Variants in ETNPPL observed in about 807,000 individuals in gnomAD.
ETNPPL encodes ethanolamine-phosphate phospho-lyase.
In ETNPPL, 30 loss-of-function variants were observed where a neutral mutation model predicts 55.5. That is an observed-to-expected ratio of 0.54 (90% CI 0.40 to 0.73). ETNPPL has a LOEUF of 0.73. Among genes scored for constraint, ETNPPL ranks in the 30% least tolerant of loss-of-function variants. The pLI is 0.00. For missense variants in ETNPPL, 528 were observed against 607.9 expected (o/e 0.87, Z 1.38); for synonymous variants, 202 against 207.2 (o/e 0.98, Z 0.21).
chr4:108,750,812 C>T, intron 7 of ETNPPL, 124 bp downstream of exon 7: 2 of 709,064 alleles, frequency 2.8e-6, no homozygotes, highest in Non-Finnish European at 5.0e-6. Context: ...GGTTGGCAGG[C>T]ACTCAGGTGT....
chr4:108,748,170 A>G lies in ETNPPL; in HGVS notation c.928-11T>C. On this transcript the variant is annotated splice_polypyrimidine_tract_variant and intron_variant, in intron 8 of 12. Coordinates refer to ENST00000296486, the MANE Select transcript of ETNPPL (RefSeq NM_031279.4). The stretch of plus-strand genomic sequence containing the variant: ...TGGATTTCCTCCATACTGTAAAAAA[A>G]AAAAAGACAAATGAGAAAATATACC... 1 of 1,550,438 alleles carries G rather than the reference A, an allele frequency of 6.4e-7. No individual in the cohort carries two copies.
chr4:108,745,511 T>C (rs1307446715), intron 11 of ETNPPL, among the ~76,000 whole-genome samples: 1 of 152,036 alleles, frequency 6.6e-6, no homozygotes, highest in Non-Finnish European at 1.5e-5. Context: ...GGAGAATTGC[T>C]TGAATCTGGG....
chr4:108,758,781 G>T (rs1486207298), intron 3 of ETNPPL, among the ~76,000 whole-genome samples: 1 of 152,202 alleles, frequency 6.6e-6, no homozygotes, highest in Admixed American at 6.5e-5. Context: ...GGCTGGGCAC[G>T]GTTGCTCATG....
rs1288966305 is a variant in ETNPPL at position 108,746,498 on chromosome 4, C to T, written c.1204G>A (p.Asp402Asn). 9.9e-6 allele frequency: 16 copies of T among 1,613,152 alleles called. No homozygotes were observed. The highest frequency in any genetic ancestry group is 6.7e-5 in the East Asian group (3 of 44,882). ...MKEKRVLLSA[D>N]GPHRNVLKIK... ...TTAAGTACATTTCTATGAGGTCCAT[C>T]GGCACTGAGAAGCACTCGTTTTTCT... Residue 402 changes from aspartate (D) to asparagine (N), a missense_variant, in exon 11 of 13, where the codon GAT (aspartate) becomes AAT (asparagine). Physicochemically the swap from Asp to Asn is conservative, Grantham distance 23 (BLOSUM62 1). Transcript: ENST00000296486.
At position 108,761,389 on chromosome 4, in the gene ETNPPL, A is replaced by AT. The variant is rs555922588; in HGVS notation, c.57-1084dup. 2.1e-4 allele frequency among the ~76,000 whole-genome samples: 32 copies of AT among 152,166 alleles called. No individual in the cohort carries two copies. In the East Asian group the frequency reaches 3.5e-3, roughly 16 times the overall value. ...TTGCATAAGGTTGTGTTATATATTG[A>AT]TTTTTTTTAAGCATCATCAGCTGAA... On this transcript the variant is annotated intron_variant, in intron 1 of 12. Transcript: ENST00000296486.
chr4:108,762,551 C>A, intron 1 of ETNPPL: 2 of 642,848 alleles, frequency 3.1e-6, no homozygotes, highest in South Asian at 1.7e-5. Flanking sequence ...GGCTATTGGC[C>A]GTCATCCACC....
At chr4:108,749,560 G>A in intron 7 of ETNPPL, 97 bp from the exon 8 acceptor site, 1 of 883,462 alleles carries the variant, frequency 1.1e-6, no homozygotes, top group Non-Finnish European at 1.8e-6. Flanking sequence ...AAAAAAAGTT[G>A]TTAACCTGAA....
intron 11 of ETNPPL, among the ~76,000 whole-genome samples, chr4:108,744,863 G>A (rs1285079914): frequency 2.6e-5 from 4 of 151,582 alleles, no homozygotes; most frequent in South Asian, 2.1e-4. Flanking sequence ...AACTACAGGC[G>A]CACGCACCAC....
At position 108,762,860 on chromosome 4, in the gene ETNPPL, C is replaced by T. The variant is rs1729584716; in HGVS notation, c.39G>A (p.Leu13=). 6.2e-7 allele frequency: 1 copy of T among 1,614,028 alleles called. No homozygotes were observed. The highest frequency in any genetic ancestry group is 1.1e-5 in the South Asian group (1 of 91,096). ...ELYSKRDTLG[L]RKKHIGPSCK... ...GCCCTTACCCGATGTGCTTCTTCCT[C>T]AGCCCCAGAGTGTCCCGCTTACTGT... Residue 13 remains leucine (L), a synonymous_variant, in exon 1 of 13, where the codon CTG becomes CTA. Coordinates refer to ENST00000296486, the MANE Select transcript of ETNPPL (RefSeq NM_031279.4).
At chr4:108,746,375 C>T (rs1458443243) in intron 11 of ETNPPL, 24 bp downstream of exon 11, 1 of 1,600,372 alleles carries the variant, frequency 6.2e-7, no homozygotes, top group Admixed American at 1.7e-5. Flanking sequence ...AACAAGAAGA[C>T]ATCTTAAAGA....
intron 8 of ETNPPL, 56 bp downstream of exon 8, chr4:108,749,182 A>G (rs1457478799): frequency 2.2e-5 from 31 of 1,395,608 alleles, no homozygotes; most frequent in Admixed American, 1.1e-4. Context: ...GGCAAAAAAT[A>G]TAAGAACATG....
chr4:108,746,396 C>T lies in ETNPPL; in HGVS notation c.1303+3G>A, dbSNP rs1296305869. On this transcript the variant is annotated splice_donor_region_variant and intron_variant, in intron 11 of 12. Transcript: ENST00000296486. ...AAGACATCTTAAAGATCCATGGACC[C>T]ACCTGTTAGAATCCTATCAAGTTGG... 6.2e-7 allele frequency: 1 copy of T among 1,611,508 alleles called. No homozygotes were observed. Among genetic ancestry groups the T allele is most frequent in the Admixed American group, 1.7e-5 (1 of 59,604 alleles).
intron 7 of ETNPPL, among the ~76,000 whole-genome samples, chr4:108,750,172 G>A (rs1728827989): frequency 6.6e-6 from 1 of 152,176 alleles, no homozygotes; most frequent in African/African-American, 2.4e-5. Context: ...TTAATCCTGG[G>A]TTCCTGGGTA....
chr4:108,747,811 C>T, intron 9 of ETNPPL, 194 bp downstream of exon 9: 3 of 498,448 alleles, frequency 6.0e-6, no homozygotes, highest in South Asian at 5.8e-5. Flanking sequence ...TCACTGCAAC[C>T]TCTGCCTCCC....
rs369074454 is a variant in ETNPPL at position 108,754,613 on chromosome 4, CACTT to C, written c.501+3_501+6del. On this transcript the variant is annotated splice_donor_5th_base_variant and intron_variant, in intron 5 of 12. Transcript: ENST00000296486. ...AACATTCTGATTTAGGATTTTAAGACACTTACCACATGTACAAATTCTTTTTTGA... is the reference window on the plus strand; with the variant it reads ...AACATTCTGATTTAGGATTTTAAGACACCACATGTACAAATTCTTTTTTGA... The C allele has an allele frequency of 1.4e-5, 19 of 1,397,186 alleles. No homozygotes were observed. The highest frequency in any genetic ancestry group is 4.3e-5 in the African/African-American group (3 of 70,330). 86.5% of individuals were successfully genotyped at this position (1,397,186 alleles called of 1,614,324 possible).
chr4:108,760,033 T>A, intron 2 of ETNPPL, 125 bp from the exon 3 acceptor site: 1 of 1,191,278 alleles, frequency 8.4e-7, no homozygotes, highest in Non-Finnish European at 1.2e-6. Context: ...TCCTTTCTCT[T>A]CCATATTTTG....
Position 108,742,342 on chromosome 4 carries a change from G to A in ETNPPL, c.*142C>T, listed in dbSNP as rs1259582515. The A allele has an allele frequency of 2.6e-6, 2 of 779,600 alleles. No homozygotes were observed. Among genetic ancestry groups the A allele is most frequent in the African/African-American group, 3.4e-5 (2 of 58,376 alleles). The allele number at this position is 779,600 out of a possible 1,614,324, so 48.3% of individuals were successfully genotyped here. A position where few individuals can be genotyped will look rare whatever the true frequency, so the allele number is the denominator to read the frequency against. On this transcript the variant is annotated 3_prime_UTR_variant, in exon 13 of 13. Coordinates refer to ENST00000296486, the MANE Select transcript of ETNPPL (RefSeq NM_031279.4). ...GTTTGATTATCACTTGGTTTATTCTGATTACTCATTTACCTTTTCATTTAT... is the reference window on the plus strand; with the variant it reads ...GTTTGATTATCACTTGGTTTATTCTAATTACTCATTTACCTTTTCATTTAT...
chr4:108,754,570 A>C (rs1307048449), intron 5 of ETNPPL, 50 bp downstream of exon 5: 7 of 960,498 alleles, frequency 7.3e-6, no homozygotes, highest in Non-Finnish European at 1.2e-5. Context: ...GATTATCATT[A>C]AGCATTCCTC....
intron 1 of ETNPPL, 127 bp downstream of exon 1, chr4:108,762,716 A>G (rs562114403): frequency 2.5e-6 from 3 of 1,194,344 alleles, no homozygotes; most frequent in African/African-American, 1.5e-5. Context: ...GGGCGCGTGC[A>G]CAGGCGCGGC....
Sources: allele counts gnomAD v4.1 joint callset (sites outside exome capture counted in the v4.1 genomes callset), GRCh38; gene constraint gnomAD v4.1.1; transcripts MANE v1.5; gene names NCBI Gene and HGNC (gene_info 2026-07-23, HGNC 2026-07-21).